The following OR4E2 variants were observed in gnomAD, a reference collection of about 807,000 sequenced individuals.
The protein encoded by OR4E2 is olfactory receptor 4E2.
In OR4E2, 9 loss-of-function variants were observed where a neutral mutation model predicts 11.0. The ratio of observed to expected loss-of-function variants is 0.82; its 90% CI spans 0.49 to 1.43. The LOEUF is 1.43. OR4E2 is among the 40% of genes most tolerant of loss of function. The pLI, the probability that OR4E2 is intolerant of heterozygous loss-of-function variation, is 0.00. For synonymous variants in OR4E2, 159 were observed against 147.3 expected (o/e 1.08, Z -0.57); for missense variants, 441 against 382.0 (o/e 1.15, Z -1.29).
At chr14:21,661,876 A>G (rs2139807497) in intron 3 of OR4E2, among the ~76,000 whole-genome samples, 1 of 152,242 alleles carries the variant, frequency 6.6e-6, no homozygotes, top group African/African-American at 2.4e-5. Flanking sequence ...CTTTATTTCT[A>G]CAAAATACAG....
chr14:21,658,176 A>G (rs572030861), intron 2 of OR4E2, among the ~76,000 whole-genome samples: 1 of 152,362 alleles, frequency 6.6e-6, no homozygotes, highest in East Asian at 1.9e-4. Context: ...ATTGGGACAG[A>G]ATTCCAATCT....
chr14:21,660,225 A>G (rs12897208), intron 2 of OR4E2, among the ~76,000 whole-genome samples: 43,778 of 152,032 alleles, frequency 0.29, 6,778 homozygotes, highest in Non-Finnish European at 0.32. Context: ...GCAGTTCACA[A>G]TAGGGTTTGC....
At chr14:21,664,264 GTTC>G (rs1469076863) in intron 3 of OR4E2, among the ~76,000 whole-genome samples, 3 of 152,094 alleles carry the variant, frequency 2.0e-5, no homozygotes, top group Non-Finnish European at 2.9e-5. Flanking sequence ...ACCAACATCT[GTTC>G]TTCTGTTGTT....
In OR4E2 at chr14:21,666,701, T is replaced by C. The variant is rs1319783380; in HGVS notation, c.*677T>C. The C allele has an allele frequency of 1.5e-5, 1 of 67,914 alleles. No individual in the cohort carries two copies. Among genetic ancestry groups the C allele is most frequent in the African/African-American group, 6.3e-5 (1 of 15,752 alleles). 4.2% of individuals were successfully genotyped at this position (67,914 alleles called of 1,614,324 possible). ...TAAAAAGGTAGAAAATACCAAGTGG[T>C]TTTTTTTTTTTTTTTCCTAATTACT... On this transcript the variant is annotated 3_prime_UTR_variant, in exon 4 of 4. Transcript: ENST00000641524.
Position 21,665,882 on chromosome 14 carries a change from T to A in OR4E2, c.800T>A (p.Ile267Asn). 6.2e-7 allele frequency: 1 copy of A among 1,609,492 alleles called. No homozygotes were observed. The highest frequency in any genetic ancestry group is 2.2e-5 in the East Asian group (1 of 44,838). ...IYTRPDTSFSIDKVVSVFYTV... is the reference protein window; with the variant it reads ...IYTRPDTSFSNDKVVSVFYTV... ...ACTCGGCCAGACACCAGCTTCTCCA[T>A]TGACAAGGTGGTGTCTGTCTTCTAC... The change falls in exon 4 of 4, where the codon ATT (isoleucine) becomes AAT (asparagine). Residue 267 changes from isoleucine to asparagine, a missense_variant. Coordinates refer to ENST00000641524, the MANE Select transcript of OR4E2 (RefSeq NM_001001912.3).
At chr14:21,657,386 C>CTTCCTT (rs1256255365) in intron 2 of OR4E2, among the ~76,000 whole-genome samples, 6 of 120,288 alleles carry the variant, frequency 5.0e-5, no homozygotes, top group Admixed American at 2.6e-4. Flanking sequence ...TCCTTCCTTC[C>CTTCCTT]TTTCTTTCTT....
chr14:21,663,488 T>TA (rs1555338784), intron 3 of OR4E2, among the ~76,000 whole-genome samples: 1 of 150,486 alleles, frequency 6.6e-6, no homozygotes, highest in Non-Finnish European at 1.5e-5. Flanking sequence ...TCGAAAAAAA[T>TA]TTTTTTTTTT....
chr14:21,661,337 C>T (rs1226634150), intron 3 of OR4E2, among the ~76,000 whole-genome samples: 12 of 152,096 alleles, frequency 7.9e-5, no homozygotes, highest in Non-Finnish European at 1.8e-4. Flanking sequence ...TACATATATG[C>T]GTAAATATAT....
In OR4E2 at chr14:21,665,226, C is replaced by A; in HGVS notation, c.144C>A (p.Ala48=). The change falls in exon 4 of 4, where the codon GCC becomes GCA. Residue 48 remains alanine, a synonymous_variant. Transcript: ENST00000641524. ...TLSGNILIII[A]TVFTPSLHTP... is the part of the protein sequence containing the mutation. ...CGGGGAACATTCTCATCATCATTGC[C>A]ACAGTCTTTACTCCAAGTCTCCATA... 1 of 1,614,014 alleles carries A rather than the reference C, an allele frequency of 6.2e-7. No homozygotes were observed. Among genetic ancestry groups the A allele is most frequent in the Non-Finnish European group, 8.5e-7 (1 of 1,179,942 alleles).
intron 3 of OR4E2, 50 bp downstream of exon 3, chr14:21,660,796 C>T (rs1334388571): frequency 1.3e-5 from 2 of 152,016 alleles, no homozygotes; most frequent in Non-Finnish European, 2.9e-5. Context: ...GGATTTCTCA[C>T]TGTAATGTTG....
chr14:21,658,435 T>C (rs1055593602), intron 2 of OR4E2, among the ~76,000 whole-genome samples: 3 of 152,214 alleles, frequency 2.0e-5, no homozygotes, highest in Non-Finnish European at 4.4e-5. Context: ...AATGGTCTAC[T>C]GTGATGGAAA....
chr14:21,654,462 TGCAC>T (rs1879828219), intron 1 of OR4E2, among the ~76,000 whole-genome samples: 1 of 148,470 alleles, frequency 6.7e-6, no homozygotes, highest in African/African-American at 2.5e-5. Flanking sequence ...CACACACAGA[TGCAC>T]ACACACACAC....
intron 3 of OR4E2, among the ~76,000 whole-genome samples, chr14:21,662,416 C>T (rs943368342): frequency 7.2e-5 from 11 of 152,142 alleles, no homozygotes; most frequent in African/African-American, 2.7e-4. Flanking sequence ...ATTCTCCTGC[C>T]TCAGCCTCCT....
At chr14:21,661,644 G>T (rs926433666) in intron 3 of OR4E2, among the ~76,000 whole-genome samples, 2 of 152,130 alleles carry the variant, frequency 1.3e-5, no homozygotes, top group Non-Finnish European at 2.9e-5. Flanking sequence ...TTCTTTAAGT[G>T]GTTCTAATGT....
rs200914600 is a variant in OR4E2, at chr14:21,665,709, C to T, written c.627C>T (p.Ser209=). 1.9e-5 allele frequency: 30 copies of T among 1,614,206 alleles called. No individual in the cohort carries two copies. The highest frequency in any genetic ancestry group is 2.2e-5 in the East Asian group (1 of 44,884). ...CCAATAGTGGAACCATCTCCCTCTCCTGTTTCTTGGCCGTGGTCACCTCCT... is the reference window on the plus strand; with the variant it reads ...CCAATAGTGGAACCATCTCCCTCTCTTGTTTCTTGGCCGTGGTCACCTCCT... ...IVTNSGTISL[S]CFLAVVTSYM... The change falls in exon 4 of 4, where the codon TCC becomes TCT. Residue 209 remains serine (S), a synonymous_variant. Transcript: ENST00000641524.
intron 2 of OR4E2, among the ~76,000 whole-genome samples, chr14:21,657,012 G>A (rs1879986316): frequency 3.3e-5 from 5 of 152,164 alleles, no homozygotes; most frequent in Admixed American, 2.0e-4. Context: ...TTTTGGATTT[G>A]AATACCTAGA....
chr14:21,654,510 T>C (rs554184885), intron 1 of OR4E2, among the ~76,000 whole-genome samples: 1 of 151,752 alleles, frequency 6.6e-6, no homozygotes, highest in Non-Finnish European at 1.5e-5. Context: ...AATTAGTCCT[T>C]TGGTATACAT....
rs1267523988 is a variant in OR4E2, at chr14:21,667,218, G to GA, written c.*1201dup. On this transcript the variant is annotated 3_prime_UTR_variant, in exon 4 of 4. Coordinates refer to ENST00000641524, the MANE Select transcript of OR4E2 (RefSeq NM_001001912.3). ...ATAAATATGTTTCTTTGCTTATTCT[G>GA]AAAAAAATTTATAATTGATTGGGGT... 6.6e-6 allele frequency: 1 copy of GA among 152,034 alleles called. No homozygotes were observed. The highest frequency in any genetic ancestry group is 2.4e-5 in the African/African-American group (1 of 41,416). 9.4% of individuals were successfully genotyped at this position (152,034 alleles called of 1,614,324 possible). A position where few individuals can be genotyped will look rare whatever the true frequency, so the allele number is the denominator to read the frequency against.
chr14:21,665,461 T>A lies in OR4E2; in HGVS notation c.379T>A (p.Cys127Ser). The change falls in exon 4 of 4, where the codon TGC (cysteine) becomes AGC (serine). Residue 127 changes from cysteine (C) to serine (S), a missense_variant. Transcript: ENST00000641524. ...GGCGTATGATCGTTACGTGGCTATC[T>A]GCACTCCACTCCACTACCCCAATGT... ...IMAYDRYVAI[C>S]TPLHYPNVMN... The A allele has an allele frequency of 6.2e-7, 1 of 1,614,178 alleles. No homozygotes were observed. Among genetic ancestry groups the A allele is most frequent in the South Asian group, 1.1e-5 (1 of 91,074 alleles).
Sources: allele counts gnomAD v4.1 joint callset (sites outside exome capture counted in the v4.1 genomes callset), GRCh38; gene constraint gnomAD v4.1.1; transcripts MANE v1.5; gene names NCBI Gene and HGNC (gene_info 2026-07-23, HGNC 2026-07-21).